The following TMEM94 variants were observed in gnomAD, a reference collection of about 807,000 sequenced individuals.
TMEM94 encodes transmembrane protein 94, also known as ER Mg2+ ATPase.
A neutral mutation model predicts 158.6 loss-of-function variants in TMEM94; 81 were observed. The ratio of observed to expected loss-of-function variants is 0.51; its 90% CI spans 0.43 to 0.61. The LOEUF is 0.61. Ranked by LOEUF, TMEM94 falls within the 20% of genes least tolerant of loss-of-function variation. The pLI is 0.00. For missense variants in TMEM94, 1,435 were observed against 1,762.0 expected (o/e 0.81, Z 3.32); for synonymous variants, 751 against 730.7 (o/e 1.03, Z -0.45).
Position 75,485,925 on chromosome 17 carries a change from T to C in TMEM94, c.199T>C (p.Trp67Arg). ...HHSNRCSCFH[W>R]PGASLMLLAV... ...CAGTAACCGCTGCTCCTGCTTCCACTGGCCGGGGGCCTCACTCATGCTACT... is the reference window on the plus strand; with the variant it reads ...CAGTAACCGCTGCTCCTGCTTCCACCGGCCGGGGGCCTCACTCATGCTACT... Residue 67 changes from tryptophan to arginine, a missense_variant, in exon 4 of 32, where the codon TGG (tryptophan) becomes CGG (arginine). Coordinates refer to ENST00000314256, the MANE Select transcript of TMEM94 (RefSeq NM_014738.6). This position sits in a 1 kb window ranked among gnomAD's most constrained non-coding sequence, Gnocchi z 5.5. The C allele has an allele frequency of 1.2e-6, 2 of 1,613,738 alleles. No individual in the cohort carries two copies. The highest frequency in any genetic ancestry group is 1.7e-6 in the Non-Finnish European group (2 of 1,179,904).
Position 75,492,408 on chromosome 17 carries a change from G to A in TMEM94, c.1597-66G>A, listed in dbSNP as rs2052287187. ...AGCCCTCCCCAGCCTTGGGAGGTGG[G>A]CAGAGCCAGTGCTGGCTTCCCCACA... On this transcript the variant is annotated intron_variant, in intron 14 of 31. Transcript: ENST00000314256. This position sits in a 1 kb window ranked among gnomAD's most constrained non-coding sequence, Gnocchi z 4.4. 2.0e-6 allele frequency: 3 copies of A among 1,511,638 alleles called. No homozygotes were observed. Among genetic ancestry groups the A allele is most frequent in the Non-Finnish European group, 2.7e-6 (3 of 1,128,318 alleles). 93.6% of individuals were successfully genotyped at this position (1,511,638 alleles called of 1,614,324 possible). A position where few individuals can be genotyped will look rare whatever the true frequency, so the allele number is the denominator to read the frequency against.
intron 1 of TMEM94, among the ~76,000 whole-genome samples, chr17:75,465,606 C>T (rs2050272315): frequency 1.4e-5 from 2 of 144,970 alleles, no homozygotes; most frequent in Admixed American, 6.9e-5. Flanking sequence ...GAAATCTTTG[C>T]TCATTTTAAA....
At position 75,492,151 on chromosome 17, in the gene TMEM94, C is replaced by T; in HGVS notation, c.1596+251C>T. ...CCTACTGGAACCTTCCAAATATACACAGCCCGGAGCTCCCTCTTAGAGATG... is the reference window on the plus strand; with the variant it reads ...CCTACTGGAACCTTCCAAATATACATAGCCCGGAGCTCCCTCTTAGAGATG... On this transcript the variant is annotated intron_variant, in intron 14 of 31. Transcript: ENST00000314256. The surrounding 1 kb of genome is among the most constrained non-coding windows in gnomAD (Gnocchi z 4.4). 1 of 952,036 alleles carries T rather than the reference C, an allele frequency of 1.1e-6. No individual in the cohort carries two copies. The highest frequency in any genetic ancestry group is 1.5e-6 in the Non-Finnish European group (1 of 660,468). 59.0% of individuals were successfully genotyped at this position (952,036 alleles called of 1,614,324 possible). A position where few individuals can be genotyped will look rare whatever the true frequency, so the allele number is the denominator to read the frequency against.
Position 75,493,049 on chromosome 17 carries a change from G to A in TMEM94, c.2033G>A (p.Arg678Gln), listed in dbSNP as rs761968909. ...GGGCGGCTCTCCTGTGTCACCAAGC[G>A]GCGGCCTCCCCTCAGCCACATGATC... Reference protein sequence around the residue: ...SLGRLSCVTKRRPPLSHMISL... With the variant: ...SLGRLSCVTKQRPPLSHMISL... Residue 678 changes from arginine to glutamine, a missense_variant, in exon 16 of 32, where the codon CGG (arginine) becomes CAG (glutamine). By Grantham distance (43) the Arg-to-Gln change is conservative. Coordinates refer to ENST00000314256, the MANE Select transcript of TMEM94 (RefSeq NM_014738.6). 6.8e-6 allele frequency: 11 copies of A among 1,613,528 alleles called. No individual in the cohort carries two copies. Among genetic ancestry groups the A allele is most frequent in the South Asian group, 2.2e-5 (2 of 91,086 alleles).
chr17:75,459,024 T>C (rs936663058), intron 1 of TMEM94, among the ~76,000 whole-genome samples: 3 of 146,826 alleles, frequency 2.0e-5, no homozygotes, highest in Admixed American at 6.8e-5. Context: ...GCCACTGCAC[T>C]CCAGCCTGGG....
intron 17 of TMEM94, 33 bp from the exon 18 acceptor site, chr17:75,493,666 C>T (rs761385311): frequency 6.2e-7 from 1 of 1,613,522 alleles, no homozygotes; most frequent in Non-Finnish European, 8.5e-7. Context: ...CAGGCAGGAA[C>T]ACTCACCTCA....
intron 1 of TMEM94, among the ~76,000 whole-genome samples, chr17:75,463,025 AAAAAAAAAAAAAATATATATATATAT>A (rs2050132280): frequency 1.7e-4 from 2 of 11,448 alleles, no homozygotes; most frequent in Non-Finnish European, 3.3e-4. Flanking sequence ...AAAAAAAAAA[AAAAAAAAAAAAAATATATATATATAT>A]ATATATATAT....
intron 1 of TMEM94, among the ~76,000 whole-genome samples, chr17:75,459,134 G>A (rs1442383394): frequency 6.6e-6 from 1 of 150,754 alleles, no homozygotes; most frequent in Admixed American, 6.6e-5. Flanking sequence ...GAGACAGCAT[G>A]TTCAGATAAA....
rs2052709608 is a variant in TMEM94 at position 75,496,581 on chromosome 17, CG to C, written c.3243+111del. The C allele has an allele frequency of 3.6e-6, 5 of 1,405,924 alleles. No individual in the cohort carries two copies. In the Admixed American group the frequency reaches 8.9e-5, roughly 25 times the overall value. The allele number at this position is 1,405,924 out of a possible 1,614,324, so 87.1% of individuals were successfully genotyped here. ...CCGGGGACCTCATTCCCCAGCCCTC[CG>C]AGCGGGCTCTCCCAGGCAGTTACAT... On this transcript the variant is annotated intron_variant, in intron 24 of 31. Coordinates refer to ENST00000314256, the MANE Select transcript of TMEM94 (RefSeq NM_014738.6).
intron 2 of TMEM94, among the ~76,000 whole-genome samples, chr17:75,478,117 G>A (rs1291929891): frequency 8.3e-6 from 1 of 120,058 alleles, no homozygotes; most frequent in South Asian, 3.0e-4. Context: ...CCGGGTTCAC[G>A]CCATTCTCCT....
At position 75,491,789 on chromosome 17, in the gene TMEM94, G is replaced by GC. The variant is rs749805153; in HGVS notation, c.1491dup (p.Glu498ArgfsTer30). The GC allele has an allele frequency of 2.5e-5, 40 of 1,613,902 alleles. No individual in the cohort carries two copies. The highest frequency in any genetic ancestry group is 3.2e-5 in the Non-Finnish European group (38 of 1,180,034). On this transcript the variant is annotated frameshift_variant, in exon 14 of 32. Coordinates refer to ENST00000314256, the MANE Select transcript of TMEM94 (RefSeq NM_014738.6). LOFTEE classifies it high-confidence loss of function. This position sits in a 1 kb window ranked among gnomAD's most constrained non-coding sequence, Gnocchi z 5.1. ...GCGACTGGCCTGGCGAGGCTCCCAAGCCCCCCGAGCCCTATTCACACCACA... is the reference window on the plus strand; with the variant it reads ...GCGACTGGCCTGGCGAGGCTCCCAAGCCCCCCCGAGCCCTATTCACACCACA...
intron 4 of TMEM94, 97 bp downstream of exon 4, chr17:75,486,095 C>A (rs546446993): frequency 1.4e-6 from 2 of 1,468,474 alleles, no homozygotes; most frequent in Admixed American, 2.4e-5. Flanking sequence ...GCTGTCACCC[C>A]CAAGCTGCTC....
At chr17:75,468,402 C>T (rs1389469920) in intron 1 of TMEM94, among the ~76,000 whole-genome samples, 1 of 152,212 alleles carries the variant, frequency 6.6e-6, no homozygotes, top group South Asian at 2.1e-4. Context: ...CCATCTGGCT[C>T]CTGGTGTTTT....
intron 5 of TMEM94, among the ~76,000 whole-genome samples, chr17:75,486,894 T>G (rs1021507635): frequency 2.0e-5 from 3 of 152,138 alleles, no homozygotes; most frequent in Non-Finnish European, 2.9e-5. Context: ...GATTTCTGCT[T>G]GGCCTTTCAT....
intron 1 of TMEM94, among the ~76,000 whole-genome samples, chr17:75,470,250 T>C (rs1001731529): frequency 6.6e-6 from 1 of 151,578 alleles, no homozygotes; most frequent in South Asian, 2.1e-4. Context: ...GTGGGGAGGA[T>C]TGCTTGAGGC....
intron 1 of TMEM94, chr17:75,457,155 C>T (rs2049918918): frequency 6.6e-6 from 1 of 152,408 alleles, no homozygotes; most frequent in African/African-American, 2.4e-5. Flanking sequence ...ACCGTTGTCC[C>T]GCCTGCGCGC....
chr17:75,464,990 C>T (rs895763846), intron 1 of TMEM94, among the ~76,000 whole-genome samples: 1 of 151,854 alleles, frequency 6.6e-6, no homozygotes, highest in Non-Finnish European at 1.5e-5. Context: ...TGAGCCACTG[C>T]ACCCGGCTCT....
intron 1 of TMEM94, among the ~76,000 whole-genome samples, chr17:75,469,345 ATT>A (rs10711780): frequency 0.053 from 6,632 of 124,746 alleles, 144 homozygotes; most frequent in Middle Eastern, 0.13. Flanking sequence ...TTAACCCTAA[ATT>A]TTTTTTTTTT....
chr17:75,467,565 G>A (rs1345514309), intron 1 of TMEM94, among the ~76,000 whole-genome samples: 34 of 121,862 alleles, frequency 2.8e-4, no homozygotes, highest in East Asian at 1.2e-3. Flanking sequence ...TCGCTCTGTC[G>A]CCCAGGCCGG....
Sources: gnomAD v4.1 joint callset for allele counts (sites outside exome capture counted in the v4.1 genomes callset) on GRCh38, gnomAD v4.1.1 for gene constraint, Gnocchi (gnomAD v3.1) non-coding constraint, MANE v1.5 for transcripts, NCBI Gene and HGNC (gene_info 2026-07-23, HGNC 2026-07-21) for gene names.